ZNF318: variants seen among roughly 807,000 people sequenced by gnomAD.
ZNF318 encodes zinc finger protein 318, also known as endocrine regulator.
A neutral mutation model predicts 124.2 loss-of-function variants in ZNF318; 51 were observed. That is an observed-to-expected ratio of 0.41 (90% CI 0.33 to 0.52). The LOEUF is 0.52. ZNF318 is among the 20% of genes least tolerant of loss of function. The pLI is 0.23. For synonymous variants in ZNF318, 1,090 were observed against 1,040.7 expected (o/e 1.05, Z -0.91); for missense variants, 2,815 against 2,811.2 (o/e 1.00, Z -0.03).
intron 2 of ZNF318, 32 bp from the exon 3 acceptor site, chr6:43,357,797 T>C (rs749518697): frequency 1.3e-6 from 2 of 1,553,428 alleles, no homozygotes; most frequent in South Asian, 1.2e-5. Context: ...ATTGAACAAA[T>C]GGACTTGGAA....
chr6:43,343,577 C>T (rs1347816396), intron 6 of ZNF318, among the ~76,000 whole-genome samples: 1 of 151,954 alleles, frequency 6.6e-6, no homozygotes, highest in African/African-American at 2.4e-5. Flanking sequence ...ACCTGTAATC[C>T]CATCACTTTG....
At position 43,338,222 on chromosome 6, in the gene ZNF318, G is replaced by A; in HGVS notation, c.5776C>T (p.Pro1926Ser). 1.9e-6 allele frequency: 3 copies of A among 1,614,006 alleles called. No individual in the cohort carries two copies. Among genetic ancestry groups the A allele is most frequent in the Non-Finnish European group, 2.5e-6 (3 of 1,180,016 alleles). The change falls in exon 10 of 10, where the codon CCA (proline) becomes TCA (serine). Residue 1926 changes from proline to serine, a missense_variant. Transcript: ENST00000361428. ...CTAGAAGTTCTAGAAGCTGATTCTG[G>A]AGCTGAATTCTCTAGCCCCTCCTCA... Reference protein sequence around the residue: ...VSEEGLENSAPESASRTSRYR... With the variant: ...VSEEGLENSASESASRTSRYR...
chr6:43,355,530 C>A lies in ZNF318; in HGVS notation c.1804G>T (p.Asp602Tyr). Residue 602 changes from aspartate to tyrosine, a missense_variant, in exon 4 of 10, where the codon GAT becomes TAT. Asp to Tyr is a radical substitution (Grantham distance 160). Around this residue, in one of 4 missense-constraint regions of ZNF318, gnomAD observed 1,377 missense variants for 1,353.5 expected, o/e 1.02. Transcript: ENST00000361428. ...TGACTAATCTCTGCTACTCCAATAT[C>A]CAGCCCTATTGTCTTGAGCAAGTCA... ...IHDLLKTIGLDIGVAEISQLA... is the reference protein window; with the variant it reads ...IHDLLKTIGLYIGVAEISQLA... 6.2e-7 allele frequency: 1 copy of A among 1,614,204 alleles called. No individual in the cohort carries two copies. The highest frequency in any genetic ancestry group is 8.5e-7 in the Non-Finnish European group (1 of 1,180,038).
Position 43,357,142 on chromosome 6 carries a change from A to C in ZNF318, c.1172T>G (p.Met391Arg). Residue 391 changes from methionine (M) to arginine (R), a missense_variant, in exon 3 of 10, where the codon ATG becomes AGG. Met to Arg is a moderately conservative substitution (Grantham distance 91). Transcript: ENST00000361428. ...ILKKRIEVDI[M>R]EPSMQLESFS... ...AGCAGAGACCTGCATGGAGGGCTCC[A>C]TTATGTCCACCTCAATCCGCTTCTT... is the stretch of plus-strand genomic sequence containing the variant. 1 of 1,612,832 alleles carries C rather than the reference A, an allele frequency of 6.2e-7. No homozygotes were observed. The highest frequency in any genetic ancestry group is 8.5e-7 in the Non-Finnish European group (1 of 1,179,190).
At chr6:43,354,156 AC>A (rs2150754003) in intron 4 of ZNF318, among the ~76,000 whole-genome samples, 1 of 152,332 alleles carries the variant, frequency 6.6e-6, no homozygotes, top group East Asian at 1.9e-4. Context: ...CAAAAATGTT[AC>A]TGTTACTCCT....
chr6:43,340,122 G>A lies in ZNF318; in HGVS notation c.3876C>T (p.Thr1292=). Residue 1292 remains threonine, a synonymous_variant, in exon 10 of 10, where the codon ACC becomes ACT. Transcript: ENST00000361428. ...GAATCTCTTCTTTAGAGATACTTGG[G>A]GTCACCAATGAACTTTTCTCCTCTT... ...EKEEEKSSLV[T]PSISKEEILE... is the part of the protein sequence containing the mutation. 6.2e-7 allele frequency: 1 copy of A among 1,614,076 alleles called. No individual in the cohort carries two copies. The highest frequency in any genetic ancestry group is 8.5e-7 in the Non-Finnish European group (1 of 1,180,020).
At chr6:43,344,148 GC>G (rs1401265742) in intron 6 of ZNF318, among the ~76,000 whole-genome samples, 1 of 151,752 alleles carries the variant, frequency 6.6e-6, no homozygotes, top group Non-Finnish European at 1.5e-5. Context: ...AACAATTGGG[GC>G]TTCAAAGATA....
Position 43,369,496 on chromosome 6 carries a change from C to A in ZNF318, c.-131G>T. The stretch of plus-strand genomic sequence containing the variant: ...CGCGCCGCCTCAGCCGCGGGAGCAG[C>A]CCCCTCCCCTCGGCCCCGCGTCGCC... On this transcript the variant is annotated 5_prime_UTR_variant, in exon 1 of 10. Coordinates refer to ENST00000361428, the MANE Select transcript of ZNF318 (RefSeq NM_014345.3). The A allele has an allele frequency of 2.9e-6, 2 of 699,706 alleles. No individual in the cohort carries two copies. Among genetic ancestry groups the A allele is most frequent in the African/African-American group, 1.9e-5 (1 of 51,784 alleles). 43.3% of individuals were successfully genotyped at this position (699,706 alleles called of 1,614,324 possible). A position where few individuals can be genotyped will look rare whatever the true frequency, so the allele number is the denominator to read the frequency against.
rs1380803667 is a variant in ZNF318 at position 43,336,070 on chromosome 6, T to C, written c.*1088A>G. The C allele has an allele frequency of 1.3e-5, 2 of 152,644 alleles. No individual in the cohort carries two copies. The highest frequency in any genetic ancestry group is 4.8e-5 in the African/African-American group (2 of 41,460). 9.5% of individuals were successfully genotyped at this position (152,644 alleles called of 1,614,324 possible). A position where few individuals can be genotyped will look rare whatever the true frequency, so the allele number is the denominator to read the frequency against. On this transcript the variant is annotated 3_prime_UTR_variant, in exon 10 of 10. Coordinates refer to ENST00000361428, the MANE Select transcript of ZNF318 (RefSeq NM_014345.3). ...CAAAACAAAAATCCAGAAGGAAACA[T>C]GAGATTAATGCATTTATTCCAAGTA...
Position 43,339,607 on chromosome 6 carries a change from G to A in ZNF318, c.4391C>T (p.Pro1464Leu), listed in dbSNP as rs774969691. 24 of 1,613,434 alleles carry A rather than the reference G, an allele frequency of 1.5e-5. No homozygotes were observed. Among genetic ancestry groups the A allele is most frequent in the East Asian group, 4.5e-5 (2 of 44,872 alleles). The change falls in exon 10 of 10, where the codon CCG (proline) becomes CTG (leucine). Residue 1464 changes from proline (P) to leucine (L), a missense_variant. This residue lies in a region of ZNF318 where 500 missense variants were observed against 605.2 expected (regional missense o/e 0.83). Coordinates refer to ENST00000361428, the MANE Select transcript of ZNF318 (RefSeq NM_014345.3). The surrounding 1 kb of genome is among the most constrained non-coding windows in gnomAD (Gnocchi z 4.2). ...PPPVIPHPAA[P>L]SAAQANAILA... The stretch of plus-strand genomic sequence containing the variant: ...GATAGCATTTGCTTGAGCAGCAGAC[G>A]GGGCAGCTGGATGAGGTATAACGGG...
At chr6:43,360,658 A>G (rs1291765362) in intron 2 of ZNF318, among the ~76,000 whole-genome samples, 2 of 152,236 alleles carry the variant, frequency 1.3e-5, no homozygotes, top group South Asian at 2.1e-4. Context: ...AGCATTAATC[A>G]TAATTGCCAA....
rs751451800 is a variant in ZNF318 at position 43,355,924 on chromosome 6, A to G, written c.1410T>C (p.Phe470=). 6.2e-7 allele frequency: 1 copy of G among 1,614,084 alleles called. No individual in the cohort carries two copies. The highest frequency in any genetic ancestry group is 8.5e-7 in the Non-Finnish European group (1 of 1,180,048). ...TATCCTTGTGGCATAGAAAACTTCCAAATTTTTCTCTGAGAGGACTGTTGT... is the reference window on the plus strand; with the variant it reads ...TATCCTTGTGGCATAGAAAACTTCCGAATTTTTCTCTGAGAGGACTGTTGT... ...PKDNSPLREK[F]GSFLCHKDNL... Residue 470 remains phenylalanine (F), a synonymous_variant, in exon 4 of 10, where the codon TTT becomes TTC. Coordinates refer to ENST00000361428, the MANE Select transcript of ZNF318 (RefSeq NM_014345.3).
chr6:43,365,181 A>T (rs1307221065), intron 2 of ZNF318, 111 bp downstream of exon 2: 15 of 1,218,870 alleles, frequency 1.2e-5, no homozygotes, highest in Non-Finnish European at 1.7e-5. Flanking sequence ...CATGTGGCAT[A>T]GGAAATAACT....
chr6:43,347,644 G>T (rs1415386303), intron 6 of ZNF318, among the ~76,000 whole-genome samples: 1 of 152,192 alleles, frequency 6.6e-6, no homozygotes, highest in Non-Finnish European at 1.5e-5. Flanking sequence ...ATGAGATAAT[G>T]AAGTGGAAAT....
chr6:43,364,601 G>C (rs1365619898), intron 2 of ZNF318, among the ~76,000 whole-genome samples: 2 of 152,196 alleles, frequency 1.3e-5, no homozygotes, highest in African/African-American at 4.8e-5. Flanking sequence ...CTGAGAAAGA[G>C]TGCTTTCCTG....
Position 43,338,522 on chromosome 6 carries a change from G to A in ZNF318, c.5476C>T (p.Pro1826Ser). ...RYMWEGEVKQ[P>S]NLLMIDKEAE... ...TCTTTGTCAATCATTAGCAAGTTGGGCTGTTTTACTTCTCCCTCCCACATG... is the reference window on the plus strand; with the variant it reads ...TCTTTGTCAATCATTAGCAAGTTGGACTGTTTTACTTCTCCCTCCCACATG... Residue 1826 changes from proline to serine, a missense_variant, in exon 10 of 10, where the codon CCC becomes TCC. Physicochemically the swap from Pro to Ser is moderately conservative, Grantham distance 74. Transcript: ENST00000361428. 6.2e-7 allele frequency: 1 copy of A among 1,614,144 alleles called. No homozygotes were observed. The highest frequency in any genetic ancestry group is 8.5e-7 in the Non-Finnish European group (1 of 1,180,028).
chr6:43,354,513 A>T (rs1779575959), intron 4 of ZNF318, 151 bp downstream of exon 4: 1 of 688,690 alleles, frequency 1.5e-6, no homozygotes, highest in Non-Finnish European at 2.4e-6. Flanking sequence ...AAAACAGAGG[A>T]ACAATATACA....
At chr6:43,364,448 C>A (rs9369408) in intron 2 of ZNF318, among the ~76,000 whole-genome samples, 68,924 of 152,088 alleles carry the variant, frequency 0.45, 19,146 homozygotes, top group East Asian at 0.66. Flanking sequence ...AGCTCTCCCC[C>A]ACCCGCCTAG....
At chr6:43,364,288 A>T (rs1288488881) in intron 2 of ZNF318, 1 of 465,688 alleles carries the variant, frequency 2.1e-6, no homozygotes, top group Non-Finnish European at 3.8e-6. Flanking sequence ...CTGTGGCTAC[A>T]ACATAGGGTT....
Sources: gnomAD v4.1 joint callset for allele counts (sites outside exome capture counted in the v4.1 genomes callset) on GRCh38, gnomAD v4.1.1 for gene constraint, gnomAD v4.1.1 regional missense constraint, Gnocchi (gnomAD v3.1) non-coding constraint, MANE v1.5 for transcripts, NCBI Gene and HGNC (gene_info 2026-07-23, HGNC 2026-07-21) for gene names.